MAP2K6: variants seen among roughly 807,000 people sequenced by gnomAD.
MAP2K6 encodes the protein dual specificity mitogen-activated protein kinase kinase 6.
MAP2K6 carries 16 observed loss-of-function variants against 53.7 expected under a neutral mutation model. The ratio of observed to expected loss-of-function variants is 0.30; its 90% CI spans 0.20 to 0.45. The LOEUF (loss-of-function observed/expected upper bound fraction) is 0.45. Ranked by LOEUF, MAP2K6 falls within the 20% of genes least tolerant of loss-of-function variation. The pLI is 1.00. For synonymous variants in MAP2K6, 132 were observed against 143.1 expected, an observed-to-expected ratio of 0.92 and a Z score of 0.55; for missense variants, 204 against 411.9, an observed-to-expected ratio of 0.50 and a Z score of 4.37.
chr17:69,464,351 T>C (rs1271833831), intron 1 of MAP2K6, among the ~76,000 whole-genome samples: 1 of 152,164 alleles, frequency 6.6e-6, no homozygotes, highest in Non-Finnish European at 1.5e-5. Flanking sequence ...AAACACTCAC[T>C]ACTTATTTTT....
intron 10 of MAP2K6, among the ~76,000 whole-genome samples, chr17:69,528,466 G>A (rs1910898279): frequency 2.0e-5 from 3 of 152,130 alleles, no homozygotes; most frequent in Admixed American, 1.3e-4. Flanking sequence ...TCATGATTTT[G>A]CCTTCTGGAT....
intron 1 of MAP2K6, among the ~76,000 whole-genome samples, chr17:69,441,514 T>C (rs1319685553): frequency 6.6e-6 from 1 of 152,206 alleles, no homozygotes; most frequent in African/African-American, 2.4e-5. Flanking sequence ...TGCTGAGATG[T>C]CCTCTTGTCA....
intron 1 of MAP2K6, among the ~76,000 whole-genome samples, chr17:69,481,692 G>A (rs1908356041): frequency 6.6e-6 from 1 of 152,106 alleles, no homozygotes; most frequent in Admixed American, 6.5e-5. Context: ...TCCTGTGTGT[G>A]TGTCTGTGTG....
chr17:69,473,078 T>TA (rs1324752863), intron 1 of MAP2K6, among the ~76,000 whole-genome samples: 3 of 152,174 alleles, frequency 2.0e-5, no homozygotes, highest in Non-Finnish European at 4.4e-5. Context: ...TCTTGGTCTT[T>TA]ATTTAGAAAT....
intron 1 of MAP2K6, among the ~76,000 whole-genome samples, chr17:69,425,034 T>G (rs1327455862): frequency 6.6e-6 from 1 of 152,228 alleles, no homozygotes; most frequent in African/African-American, 2.4e-5. Flanking sequence ...TCCTTACACA[T>G]CTAAGTTAAA....
intron 1 of MAP2K6, among the ~76,000 whole-genome samples, chr17:69,498,891 A>G (rs1260143868): frequency 6.6e-6 from 1 of 152,150 alleles, no homozygotes; most frequent in Non-Finnish European, 1.5e-5. Context: ...AGTGGCAGGA[A>G]AGTAGGGAGG....
intron 1 of MAP2K6, among the ~76,000 whole-genome samples, chr17:69,488,628 G>A (rs1014020246): frequency 6.6e-6 from 1 of 152,180 alleles, no homozygotes; most frequent in East Asian, 1.9e-4. Flanking sequence ...CAGGAACATG[G>A]AGGCAAGCAA....
rs1441959541 is a variant in MAP2K6 at position 69,548,898 on chromosome 17, C to T, written c.*7145C>T. The stretch of plus-strand genomic sequence containing the variant: ...CAGATTTCTTTTTCAAGCAAAACTC[C>T]TCTGAAAGCCTCTTTGCTATAGAGG... On this transcript the variant is annotated 3_prime_UTR_variant, in exon 12 of 12. Coordinates refer to ENST00000590474, the MANE Select transcript of MAP2K6 (RefSeq NM_002758.4). The T allele has an allele frequency of 6.6e-6, 1 of 152,168 alleles. No individual in the cohort carries two copies. The highest frequency in any genetic ancestry group is 1.5e-5 in the Non-Finnish European group (1 of 68,020). The allele number at this position is 152,168 out of a possible 1,614,324, so 9.4% of individuals were successfully genotyped here. A position where few individuals can be genotyped will look rare whatever the true frequency, so the allele number is the denominator to read the frequency against.
chr17:69,453,948 GA>G (rs1420521500), intron 1 of MAP2K6, among the ~76,000 whole-genome samples: 3 of 152,160 alleles, frequency 2.0e-5, no homozygotes, highest in African/African-American at 4.8e-5. Flanking sequence ...ATTTAAAGAA[GA>G]AAGAAAAGTC....
At position 69,443,854 on chromosome 17, in the gene MAP2K6, C is replaced by T. The variant is rs370338589; in HGVS notation, c.16+28854C>T. Among the ~76,000 whole-genome samples, 8 of 152,188 alleles carry T rather than the reference C, an allele frequency of 5.3e-5. No individual in the cohort carries two copies. The East Asian group carries it at 1.4e-3, about 26-fold the overall frequency. The stretch of plus-strand genomic sequence containing the variant: ...AGCTGTATTTTGAAGGATAAGAGTT[C>T]TCCAGAAAGAGGAATGCATTTTAGT... On this transcript the variant is annotated intron_variant, in intron 1 of 11. Coordinates refer to ENST00000590474, the MANE Select transcript of MAP2K6 (RefSeq NM_002758.4).
At chr17:69,418,894 T>C (rs8074385) in intron 1 of MAP2K6, among the ~76,000 whole-genome samples, 12,177 of 151,942 alleles carry the variant, frequency 0.08, 965 homozygotes, top group East Asian at 0.41. Context: ...AAATGACATA[T>C]GCTAATCAAA....
At chr17:69,426,375 G>A (rs1414100239) in intron 1 of MAP2K6, among the ~76,000 whole-genome samples, 1 of 152,186 alleles carries the variant, frequency 6.6e-6, no homozygotes, top group East Asian at 1.9e-4. Context: ...GATTAAGCAA[G>A]GTCATATATG....
chr17:69,495,706 C>T (rs927847855), intron 1 of MAP2K6, among the ~76,000 whole-genome samples: 6 of 151,306 alleles, frequency 4.0e-5, no homozygotes, highest in Admixed American at 1.3e-4. Context: ...TCATTTCACT[C>T]GTAAACATTT....
chr17:69,442,205 C>T (rs1211867230), intron 1 of MAP2K6, among the ~76,000 whole-genome samples: 2 of 152,160 alleles, frequency 1.3e-5, no homozygotes, highest in Non-Finnish European at 2.9e-5. Flanking sequence ...TCTGTTACCT[C>T]GACTCCTTCT....
intron 1 of MAP2K6, among the ~76,000 whole-genome samples, chr17:69,460,295 A>G (rs372422999): frequency 1.3e-5 from 2 of 152,172 alleles, no homozygotes; most frequent in East Asian, 1.9e-4. Context: ...GGAAACTCAT[A>G]TTAGAAGGAC....
chr17:69,490,030 T>C (rs150620151), intron 1 of MAP2K6, among the ~76,000 whole-genome samples: 1 of 152,340 alleles, frequency 6.6e-6, no homozygotes, highest in East Asian at 1.9e-4. Flanking sequence ...TTGCAGGATT[T>C]GAGTTACAGG....
chr17:69,431,194 G>A (rs1906451633), intron 1 of MAP2K6, among the ~76,000 whole-genome samples: 1 of 152,128 alleles, frequency 6.6e-6, no homozygotes, highest in South Asian at 2.1e-4. Context: ...AGATTATACC[G>A]TTAATGGGTG....
intron 1 of MAP2K6, among the ~76,000 whole-genome samples, chr17:69,445,157 G>A (rs2145151778): frequency 6.6e-6 from 1 of 152,252 alleles, no homozygotes; most frequent in Admixed American, 6.5e-5. Flanking sequence ...CTGACCTCAG[G>A]TGATCTGCCC....
intron 11 of MAP2K6, among the ~76,000 whole-genome samples, chr17:69,539,080 T>C (rs555869160): frequency 1.3e-5 from 2 of 152,212 alleles, no homozygotes; most frequent in Non-Finnish European, 2.9e-5. Context: ...TTCATTCAAG[T>C]GATTGCCCAG....
Sources: gnomAD v4.1 joint callset for allele counts (sites outside exome capture counted in the v4.1 genomes callset) on GRCh38, gnomAD v4.1.1 for gene constraint, MANE v1.5 for transcripts, NCBI Gene and HGNC (gene_info 2026-07-23, HGNC 2026-07-21) for gene names.